The following RIC3 variants were observed in gnomAD, a reference collection of about 807,000 sequenced individuals.
RIC3 encodes the protein protein RIC-3.
A neutral mutation model predicts 27.3 loss-of-function variants in RIC3; 28 were observed. That is an observed-to-expected ratio of 1.02 (90% CI 0.76 to 1.41). RIC3 has a LOEUF of 1.41. Among genes scored for constraint, RIC3 ranks in the 40% most tolerant of loss-of-function variants. RIC3 has a pLI of 0.00. For synonymous variants in RIC3, 184 were observed against 160.4 expected (o/e 1.15, Z -1.11); for missense variants, 501 against 444.7 (o/e 1.13, Z -1.14).
At chr11:8,130,732 C>G (rs1313296178) in intron 4 of RIC3, among the ~76,000 whole-genome samples, 2 of 150,228 alleles carry the variant, frequency 1.3e-5, no homozygotes, top group Non-Finnish European at 2.9e-5. Context: ...CATTTCTCCT[C>G]AAAAGCCTTC....
intron 1 of RIC3, among the ~76,000 whole-genome samples, chr11:8,144,310 G>A (rs11041765): frequency 0.016 from 2,299 of 147,198 alleles, 52 homozygotes; most frequent in African/African-American, 0.053. Flanking sequence ...CAGAATCTAC[G>A]ATGAACTCAA....
intron 5 of RIC3, among the ~76,000 whole-genome samples, chr11:8,112,294 C>CG (rs546344304): frequency 8.0e-6 from 1 of 124,316 alleles, no homozygotes; most frequent in East Asian, 2.2e-4. Context: ...CTTTTCTTTT[C>CG]TTTTTTTTTT....
Position 8,106,825 on chromosome 11 carries a change from G to C in RIC3, c.*3873C>G, listed in dbSNP as rs1944718463. On this transcript the variant is annotated 3_prime_UTR_variant, in exon 6 of 6. Coordinates refer to ENST00000309737, the MANE Select transcript of RIC3 (RefSeq NM_001206671.4). ...TAACTAAAGGCACCCGGAGACTGCA[G>C]AAGGGCCCTGGGCCACTCCTGGCAA... 1 of 152,244 alleles carries C rather than the reference G, an allele frequency of 6.6e-6. No homozygotes were observed. The highest frequency in any genetic ancestry group is 2.1e-4 in the South Asian group (1 of 4,832). 9.4% of individuals were successfully genotyped at this position (152,244 alleles called of 1,614,324 possible). A position where few individuals can be genotyped will look rare whatever the true frequency, so the allele number is the denominator to read the frequency against.
intron 5 of RIC3, among the ~76,000 whole-genome samples, chr11:8,125,725 AG>A (rs1654274818): frequency 6.6e-6 from 1 of 152,206 alleles, no homozygotes; most frequent in Non-Finnish European, 1.5e-5. Flanking sequence ...GCAGGTTGAC[AG>A]TTTCTAATAA....
chr11:8,147,724 ATTTTTTT>A (rs900780947), intron 1 of RIC3, among the ~76,000 whole-genome samples: 1 of 124,528 alleles, frequency 8.0e-6, no homozygotes, highest in Non-Finnish European at 1.7e-5. Context: ...CTTGCGTAAG[ATTTTTTT>A]TTTTTTTTTT....
intron 5 of RIC3, among the ~76,000 whole-genome samples, chr11:8,113,872 T>C (rs1945539979): frequency 6.6e-6 from 1 of 152,168 alleles, no homozygotes; most frequent in South Asian, 2.1e-4. Context: ...TCCTAGCACC[T>C]GGCCAATCTC....
At chr11:8,129,731 A>G (rs918695605) in intron 4 of RIC3, among the ~76,000 whole-genome samples, 5 of 152,254 alleles carry the variant, frequency 3.3e-5, no homozygotes, top group Admixed American at 3.3e-4. Context: ...TGGTTAGAAC[A>G]GAACTCAGAC....
chr11:8,116,935 A>T (rs1262252289), intron 5 of RIC3, among the ~76,000 whole-genome samples: 1 of 152,226 alleles, frequency 6.6e-6, no homozygotes, highest in African/African-American at 2.4e-5. Context: ...AGAAATCAGT[A>T]TGTCAAAAAG....
the RIC3 span, chr11:8,100,631 C>T: frequency 1.9e-6 from 3 of 1,597,732 alleles, no homozygotes; most frequent in East Asian, 2.2e-5. Context: ...TCCCCTCTTT[C>T]CCCATCATCC....
Position 8,138,515 on chromosome 11 carries a change from A to C in RIC3, c.352-168T>G, listed in dbSNP as rs144787967. Reference sequence around the variant, plus strand: ...TCAAAAAAAAAAACGCCAAAAGATGAGGTTTCCAAGTAAAAAATTATCAAA... The same window carrying C: ...TCAAAAAAAAAAACGCCAAAAGATGCGGTTTCCAAGTAAAAAATTATCAAA... On this transcript the variant is annotated intron_variant, in intron 2 of 5. Transcript: ENST00000309737. The C allele has an allele frequency of 3.7e-3, 1,954 of 525,298 alleles. 38 individuals carry two copies. In the Admixed American group the frequency reaches 0.049, roughly 13 times the overall value. The allele number at this position is 525,298 out of a possible 1,614,324, so 32.5% of individuals were successfully genotyped here.
Position 8,110,072 on chromosome 11 carries a change from C to T in RIC3, c.*626G>A, listed in dbSNP as rs1184333656. On this transcript the variant is annotated 3_prime_UTR_variant, in exon 6 of 6. Transcript: ENST00000309737. ...CCAAACAAGCCTCTGGGCTCATTCTCAGATCAGTGGGAGTCTTCCCTACTC... is the reference window on the plus strand; with the variant it reads ...CCAAACAAGCCTCTGGGCTCATTCTTAGATCAGTGGGAGTCTTCCCTACTC... 6.3e-6 allele frequency: 1 copy of T among 159,578 alleles called. No individual in the cohort carries two copies. The highest frequency in any genetic ancestry group is 1.8e-4 in the East Asian group (1 of 5,524). 9.9% of individuals were successfully genotyped at this position (159,578 alleles called of 1,614,324 possible). A position where few individuals can be genotyped will look rare whatever the true frequency, so the allele number is the denominator to read the frequency against.
At chr11:8,098,114 C>T in the RIC3 span, among the ~76,000 whole-genome samples, 1 of 151,960 alleles carries the variant, frequency 6.6e-6, no homozygotes. Flanking sequence ...ACGCAGGCCA[C>T]CATGGAAGAG....
At chr11:8,149,687 C>T (rs746823599) in intron 1 of RIC3, among the ~76,000 whole-genome samples, 7 of 152,184 alleles carry the variant, frequency 4.6e-5, no homozygotes, top group Non-Finnish European at 1.0e-4. Flanking sequence ...ACTGATGGGT[C>T]ATCTCTTGGC....
chr11:8,107,653 T>C lies in RIC3; in HGVS notation c.*3045A>G, dbSNP rs1944816330. 1 of 152,188 alleles carries C rather than the reference T, an allele frequency of 6.6e-6. No individual in the cohort carries two copies. Among genetic ancestry groups the C allele is most frequent in the South Asian group, 2.1e-4 (1 of 4,820 alleles). 9.4% of individuals were successfully genotyped at this position (152,188 alleles called of 1,614,324 possible). ...AGGCCAAATACACCTCCACTCCTCA[T>C]CACGACTCCCTGGGCCCAGCTTCTG... On this transcript the variant is annotated 3_prime_UTR_variant, in exon 6 of 6. Coordinates refer to ENST00000309737, the MANE Select transcript of RIC3 (RefSeq NM_001206671.4).
At chr11:8,154,884 G>A (rs1950540382) in intron 1 of RIC3, among the ~76,000 whole-genome samples, 1 of 152,126 alleles carries the variant, frequency 6.6e-6, no homozygotes, top group South Asian at 2.1e-4. Flanking sequence ...TAAGTATTCT[G>A]TAAAAGGGAA....
chr11:8,158,078 A>G (rs1018114516), intron 1 of RIC3, among the ~76,000 whole-genome samples: 1 of 152,224 alleles, frequency 6.6e-6, no homozygotes, highest in Non-Finnish European at 1.5e-5. Flanking sequence ...AGGCACTTAC[A>G]TACCAACACA....
At chr11:8,097,041 C>T in the RIC3 span, among the ~76,000 whole-genome samples, 1 of 152,172 alleles carries the variant, frequency 6.6e-6, no homozygotes, top group African/African-American at 2.4e-5. Flanking sequence ...ATCTCCACCT[C>T]TAGGAACTGT....
intron 4 of RIC3, among the ~76,000 whole-genome samples, chr11:8,131,882 CAGAGAGAGACTCCATCTCAAA>C (rs1465031068): frequency 9.4e-6 from 1 of 106,494 alleles, no homozygotes; most frequent in Non-Finnish European, 1.7e-5. Flanking sequence ...GCCTGGGTGA[CAGAGAGAGACTCCATCTCAAA>C]AAAAAAAAAA....
intron 4 of RIC3, among the ~76,000 whole-genome samples, chr11:8,134,072 T>C (rs1271222269): frequency 6.6e-6 from 1 of 152,122 alleles, no homozygotes; most frequent in Non-Finnish European, 1.5e-5. Flanking sequence ...CGTATACACG[T>C]GCCATGTTGG....
Sources: gnomAD v4.1 joint callset for allele counts (sites outside exome capture counted in the v4.1 genomes callset) on GRCh38, gnomAD v4.1.1 for gene constraint, MANE v1.5 for transcripts, NCBI Gene and HGNC (gene_info 2026-07-23, HGNC 2026-07-21) for gene names.